The following REDIC1 variants were observed in gnomAD, a reference collection of about 807,000 sequenced individuals.
REDIC1 encodes regulator of DNA class I crossover intermediates 1, also known as HEI10 Interacting Protein 1.
At chr12:39,714,913 T>C in the REDIC1 span, among the ~76,000 whole-genome samples, 2 of 151,990 alleles carry the variant, frequency 1.3e-5, no homozygotes, top group African/African-American at 4.8e-5. Context: ...ATGAGATTGT[T>C]TGTTTTTTTC....
chr12:39,670,967 G>A, the REDIC1 span, among the ~76,000 whole-genome samples: 2 of 151,636 alleles, frequency 1.3e-5, no homozygotes, highest in Admixed American at 6.6e-5. Context: ...TTTTCTATCT[G>A]TGTTCTTTGT....
At chr12:39,719,701 G>A in the REDIC1 span, among the ~76,000 whole-genome samples, 7 of 152,152 alleles carry the variant, frequency 4.6e-5, no homozygotes, top group South Asian at 8.3e-4. Flanking sequence ...TTCTCTGAAA[G>A]AGTATAACTC....
the REDIC1 span, among the ~76,000 whole-genome samples, chr12:39,665,084 C>G: frequency 6.6e-6 from 1 of 151,996 alleles, no homozygotes; most frequent in Non-Finnish European, 1.5e-5. Flanking sequence ...TAATTAGATC[C>G]CATTTGTCAA....
At chr12:39,813,190 T>C in the REDIC1 span, among the ~76,000 whole-genome samples, 1 of 151,820 alleles carries the variant, frequency 6.6e-6, no homozygotes, top group Non-Finnish European at 1.5e-5. Context: ...TTTATTGGAT[T>C]AATTAGATAT....
At chr12:39,866,262 A>T in the REDIC1 span, among the ~76,000 whole-genome samples, 1 of 152,202 alleles carries the variant, frequency 6.6e-6, no homozygotes, top group African/African-American at 2.4e-5. Flanking sequence ...TTTTTGTTTA[A>T]GACATAGTAG....
chr12:39,735,741 C>T, the REDIC1 span, among the ~76,000 whole-genome samples: 1 of 152,170 alleles, frequency 6.6e-6, no homozygotes, highest in African/African-American at 2.4e-5. Flanking sequence ...GGTAACTATC[C>T]CTAAGGATCT....
the REDIC1 span, chr12:39,684,379 A>G: frequency 1.9e-6 from 1 of 519,314 alleles, no homozygotes; most frequent in Non-Finnish European, 2.5e-6. Context: ...GAAATCATGA[A>G]CTAGAATAAA....
chr12:39,738,971 A>C, the REDIC1 span, among the ~76,000 whole-genome samples: 2 of 151,822 alleles, frequency 1.3e-5, no homozygotes, highest in Admixed American at 1.3e-4. Context: ...ATGGGAGATG[A>C]AAAAATCAAG....
chr12:39,647,710 T>C, the REDIC1 span: 14 of 1,061,662 alleles, frequency 1.3e-5, no homozygotes, highest in Non-Finnish European at 1.7e-5. Flanking sequence ...TTTTCACTTA[T>C]TTTAATTTCA....
At chr12:39,670,836 C>T in the REDIC1 span, among the ~76,000 whole-genome samples, 4 of 151,248 alleles carry the variant, frequency 2.6e-5, no homozygotes, top group Admixed American at 2.6e-4. Context: ...TCTATTGATG[C>T]TCCTGATTGT....
the REDIC1 span, among the ~76,000 whole-genome samples, chr12:39,658,377 G>T: frequency 6.6e-6 from 1 of 152,138 alleles, no homozygotes; most frequent in Admixed American, 6.5e-5. Flanking sequence ...GAGACACCAT[G>T]CCCAGCCTGG....
the REDIC1 span, among the ~76,000 whole-genome samples, chr12:39,844,720 TCTCTA>T: frequency 1.3e-5 from 2 of 152,000 alleles, no homozygotes; most frequent in African/African-American, 2.4e-5. Context: ...GCAAGTGGGG[TCTCTA>T]CTCAACTCAG....
the REDIC1 span, chr12:39,626,189 G>A: frequency 1.3e-6 from 1 of 758,326 alleles, no homozygotes; most frequent in South Asian, 1.8e-5. Context: ...TGGGAGGTTG[G>A]GCCTCAGGCG....
At chr12:39,883,886 C>T in the REDIC1 span, among the ~76,000 whole-genome samples, 3 of 152,170 alleles carry the variant, frequency 2.0e-5, no homozygotes, top group South Asian at 2.1e-4. Context: ...AGTATATTCA[C>T]GTAGAATCTC....
the REDIC1 span, among the ~76,000 whole-genome samples, chr12:39,821,403 C>T: frequency 6.6e-6 from 1 of 151,870 alleles, no homozygotes; most frequent in Non-Finnish European, 1.5e-5. Context: ...GAGCAAGACT[C>T]CGTCTCAAAA....
the REDIC1 span, among the ~76,000 whole-genome samples, chr12:39,698,011 A>G: frequency 0.04 from 6,091 of 152,292 alleles, 150 homozygotes; most frequent in African/African-American, 0.072. Flanking sequence ...CCTATAAGAA[A>G]CACATTTCAC....
chr12:39,709,345 A>G, the REDIC1 span, among the ~76,000 whole-genome samples: 2 of 150,118 alleles, frequency 1.3e-5, no homozygotes, highest in East Asian at 2.0e-4. Flanking sequence ...ATTTTTATTC[A>G]TATGTCTTTT....
chr12:39,810,120 C>G, the REDIC1 span, among the ~76,000 whole-genome samples: 5 of 152,162 alleles, frequency 3.3e-5, no homozygotes, highest in Admixed American at 6.5e-5. Flanking sequence ...TACAGTCCCA[C>G]CAACAATGTA....
the REDIC1 span, among the ~76,000 whole-genome samples, chr12:39,705,813 A>G: frequency 4.6e-5 from 7 of 152,122 alleles, no homozygotes; most frequent in African/African-American, 1.7e-4. Flanking sequence ...ACATAACTCA[A>G]TATAATAACA....
Sources: gnomAD v4.1 joint callset for allele counts (sites outside exome capture counted in the v4.1 genomes callset) on GRCh38, gnomAD v4.1.1 for gene constraint, MANE v1.5 for transcripts, NCBI Gene and HGNC (gene_info 2026-07-23, HGNC 2026-07-21) for gene names.